The following NPC1 variants were observed in gnomAD, a reference collection of about 807,000 sequenced individuals.
The protein encoded by NPC1 is Niemann-Pick C1 protein.
NPC1 carries 85 observed loss-of-function variants against 140.4 expected under a neutral mutation model. The ratio of observed to expected loss-of-function variants is 0.61; its 90% CI spans 0.51 to 0.72. The LOEUF (loss-of-function observed/expected upper bound fraction) is 0.72. NPC1 is among the 30% of genes least tolerant of loss of function. The pLI, the probability that NPC1 is intolerant of heterozygous loss-of-function variation, is 0.00. For synonymous variants in NPC1, 656 were observed against 624.8 expected (o/e 1.05, Z -0.74); for missense variants, 1,504 against 1,623.8 (o/e 0.93, Z 1.27).
chr18:23,561,563 A>T, intron 4 of NPC1, 36 bp from the exon 5 acceptor site: 1 of 1,609,030 alleles, frequency 6.2e-7, no homozygotes, highest in Non-Finnish European at 8.5e-7. Flanking sequence ...AGGAGACAAG[A>T]TGCTTGCTGT....
At chr18:23,525,909 T>C (rs2058286029), downstream of NPC1, among the ~76,000 whole-genome samples, 1 of 152,258 alleles carries the variant, frequency 6.6e-6, no homozygotes, top group Non-Finnish European at 1.5e-5. Context: ...AGGCATCCAC[T>C]GTATGTAATG....
chr18:23,553,320 GT>G (rs2058901781), intron 9 of NPC1, among the ~76,000 whole-genome samples: 2 of 152,010 alleles, frequency 1.3e-5, no homozygotes, highest in African/African-American at 4.8e-5. Flanking sequence ...AATGTTTTTT[GT>G]TTCTTCAAAT....
chr18:23,586,496 C>A lies in NPC1; in HGVS notation c.-153G>T, dbSNP rs925721080. On this transcript the variant is annotated 5_prime_UTR_variant, in exon 1 of 25. Transcript: ENST00000269228. ...GACCGCGGCAGCAGGCTGCGCGCGC[C>A]GGTCAGGAAGGAAGAAGGCGTCGTC... is the stretch of plus-strand genomic sequence containing the variant. The A allele has an allele frequency of 3.5e-6, 5 of 1,416,556 alleles. No individual in the cohort carries two copies. Among genetic ancestry groups the A allele is most frequent in the Non-Finnish European group, 4.6e-6 (5 of 1,093,326 alleles). 87.7% of individuals were successfully genotyped at this position (1,416,556 alleles called of 1,614,324 possible).
chr18:23,510,780 A>G (rs1295411359), intron 3 of NPC1, among the ~76,000 whole-genome samples: 3 of 152,382 alleles, frequency 2.0e-5, no homozygotes, highest in East Asian at 1.9e-4. Context: ...ATGAGAAACT[A>G]TCTCACACTA....
chr18:23,585,629 T>TA (rs2059408778), intron 1 of NPC1, among the ~76,000 whole-genome samples: 2 of 152,102 alleles, frequency 1.3e-5, no homozygotes, highest in Non-Finnish European at 2.9e-5. Flanking sequence ...CCAAAGCTAT[T>TA]AAACCAAGCA....
At position 23,564,688 on chromosome 18, in the gene NPC1, ATCTTT is replaced by A. The variant is rs1396388542; in HGVS notation, c.464-3166_464-3162del. Among the ~76,000 whole-genome samples the A allele has an allele frequency of 3.9e-5, 6 of 152,248 alleles. No homozygotes were observed. The East Asian group carries it at 1.2e-3, about 29-fold the overall frequency. ...TTTTTATTTTAATGAAGTCCAATTA[ATCTTT>A]TCTTCTGTTATTGCTCTTGTTTTTG... On this transcript the variant is annotated intron_variant, in intron 4 of 24. Transcript: ENST00000269228.
intron 1 of NPC1, among the ~76,000 whole-genome samples, chr18:23,578,616 C>G (rs1461483260): frequency 6.6e-6 from 1 of 152,292 alleles, no homozygotes; most frequent in East Asian, 1.9e-4. Flanking sequence ...TTAACCTCAT[C>G]TCTCTCTCAG....
At chr18:23,513,095 A>G (rs1195031935) in intron 3 of NPC1, among the ~76,000 whole-genome samples, 1 of 152,064 alleles carries the variant, frequency 6.6e-6, no homozygotes, top group Non-Finnish European at 1.5e-5. Flanking sequence ...CTGGGATTAC[A>G]GGTGTGCGCC....
chr18:23,548,569 T>TA (rs2058822472), intron 10 of NPC1, among the ~76,000 whole-genome samples: 1 of 152,126 alleles, frequency 6.6e-6, no homozygotes, highest in Admixed American at 6.5e-5. Flanking sequence ...AGTAAAATAC[T>TA]ATTCTGCACA....
At chr18:23,576,872 G>GA (rs1326366338) in intron 1 of NPC1, 1 of 154,396 alleles carries the variant, frequency 6.5e-6, no homozygotes, top group Non-Finnish European at 1.4e-5. Context: ...CCCAAAGAGT[G>GA]AGCAGTAGCA....
rs2058753352 is a variant in NPC1 at position 23,544,344 on chromosome 18, CT to C, written c.2129del (p.Gln710ArgfsTer19). 1.2e-6 allele frequency: 2 copies of C among 1,613,966 alleles called. No homozygotes were observed. The highest frequency in any genetic ancestry group is 8.5e-7 in the Non-Finnish European group (1 of 1,179,940). On this transcript the variant is annotated frameshift_variant and splice_region_variant, in exon 13 of 25. Coordinates refer to ENST00000269228, the MANE Select transcript of NPC1 (RefSeq NM_000271.5). LOFTEE classifies it high-confidence loss of function. ...DNIFILVQAY[Q>X]RDERLQGETL... ...GCCCTGTGAGAATATGGAAGTATAC[CT>C]GGTAGGCCTGCACCAGAATGAAGAT...
intron 4 of NPC1, among the ~76,000 whole-genome samples, chr18:23,568,168 G>A (rs761735570): frequency 5.9e-5 from 9 of 151,934 alleles, no homozygotes; most frequent in Non-Finnish European, 1.0e-4. Context: ...AATGACACAC[G>A]TGTTACACAT....
At chr18:23,539,691 T>C (rs1009975754) in intron 18 of NPC1, 120 bp downstream of exon 18, 5 of 1,148,674 alleles carry the variant, frequency 4.4e-6, no homozygotes, top group Non-Finnish European at 6.4e-6. Context: ...ACATACATTT[T>C]GCATAAAAAC....
At chr18:23,569,962 A>G (rs1397137089) in intron 3 of NPC1, among the ~76,000 whole-genome samples, 1 of 152,204 alleles carries the variant, frequency 6.6e-6, no homozygotes, top group East Asian at 1.9e-4. Flanking sequence ...CATTCTTGCA[A>G]TCAAGATTAC....
chr18:23,531,978 T>C lies in NPC1; in HGVS notation c.*224A>G. 1 of 1,455,646 alleles carries C rather than the reference T, an allele frequency of 6.9e-7. No homozygotes were observed. The highest frequency in any genetic ancestry group is 9.0e-7 in the Non-Finnish European group (1 of 1,111,176). The allele number at this position is 1,455,646 out of a possible 1,614,324, so 90.2% of individuals were successfully genotyped here. A position where few individuals can be genotyped will look rare whatever the true frequency, so the allele number is the denominator to read the frequency against. ...AATGAGGTTTCTTTCCTGAAGAGGC[T>C]GGGAGAAGTTTAGTGTCCTGTGGTT... On this transcript the variant is annotated 3_prime_UTR_variant, in exon 25 of 25. Coordinates refer to ENST00000269228, the MANE Select transcript of NPC1 (RefSeq NM_000271.5).
intron 10 of NPC1, 56 bp downstream of exon 10, chr18:23,551,571 T>G: frequency 7.6e-7 from 1 of 1,316,240 alleles, no homozygotes; most frequent in Non-Finnish European, 1.1e-6. Context: ...TTGATGCTAA[T>G]GACAAAACCG....
chr18:23,552,592 T>C (rs1190843740), intron 9 of NPC1, among the ~76,000 whole-genome samples: 1 of 152,166 alleles, frequency 6.6e-6, no homozygotes, highest in Non-Finnish European at 1.5e-5. Flanking sequence ...TAAGTGGAGA[T>C]GTTAGCGCAA....
chr18:23,539,083 C>T (rs2058674616), intron 19 of NPC1, among the ~76,000 whole-genome samples: 1 of 152,174 alleles, frequency 6.6e-6, no homozygotes, highest in Non-Finnish European at 1.5e-5. Context: ...GAGAGGCAAT[C>T]GCTGGAGTTA....
intron 11 of NPC1, among the ~76,000 whole-genome samples, chr18:23,547,283 T>C (rs998648915): frequency 6.6e-6 from 1 of 152,350 alleles, no homozygotes; most frequent in Admixed American, 6.5e-5. Flanking sequence ...GGTCATTTGC[T>C]TGATATTTTT....
Sources: allele counts gnomAD v4.1 joint callset (sites outside exome capture counted in the v4.1 genomes callset), GRCh38; gene constraint gnomAD v4.1.1; transcripts MANE v1.5; gene names NCBI Gene and HGNC (gene_info 2026-07-23, HGNC 2026-07-21).